KATNAL1: variants seen among roughly 807,000 people sequenced by gnomAD.
KATNAL1 encodes katanin catalytic subunit A1 like 1.
A neutral mutation model predicts 55.2 loss-of-function variants in KATNAL1; 32 were observed. The observed-to-expected ratio is 0.58, with a 90% CI of 0.44 to 0.78. The LOEUF is 0.78. Among genes scored for constraint, KATNAL1 ranks in the 30% least tolerant of loss-of-function variants. The pLI, the probability that KATNAL1 is intolerant of heterozygous loss-of-function variation, is 0.00. For synonymous variants in KATNAL1, 193 were observed against 193.6 expected (o/e 1.00, Z 0.02); for missense variants, 466 against 600.9 (o/e 0.78, Z 2.35).
At chr13:30,306,564 C>A (rs1289400925) in intron 1 of KATNAL1, 1 of 152,136 alleles carries the variant, frequency 6.6e-6, no homozygotes, top group African/African-American at 2.4e-5. Context: ...GCAATGACAT[C>A]TTTTTATCTA....
intron 3 of KATNAL1, among the ~76,000 whole-genome samples, chr13:30,274,907 G>GCGCGCACGCACA (rs869107567): frequency 7.6e-5 from 8 of 105,390 alleles, no homozygotes; most frequent in African/African-American, 3.2e-4. Flanking sequence ...GCGCGCGCGC[G>GCGCGCACGCACA]CACACACACA....
intron 1 of KATNAL1, among the ~76,000 whole-genome samples, chr13:30,288,338 G>A (rs973190667): frequency 6.6e-6 from 1 of 152,104 alleles, no homozygotes; most frequent in African/African-American, 2.4e-5. Context: ...TAAATAAGAA[G>A]TGCCTCAACT....
At chr13:30,247,120 G>A (rs1050045132) in intron 4 of KATNAL1, among the ~76,000 whole-genome samples, 3 of 152,172 alleles carry the variant, frequency 2.0e-5, no homozygotes, top group South Asian at 2.1e-4. Flanking sequence ...CCAAGGACAC[G>A]CAGCTAGATC....
At position 30,205,011 on chromosome 13, in the gene KATNAL1, G is replaced by C. The variant is rs1399203987; in HGVS notation, c.*3529C>G. The C allele has an allele frequency of 6.6e-6, 1 of 152,010 alleles. No individual in the cohort carries two copies. The highest frequency in any genetic ancestry group is 1.9e-4 in the East Asian group (1 of 5,186). 9.4% of individuals were successfully genotyped at this position (152,010 alleles called of 1,614,324 possible). A position where few individuals can be genotyped will look rare whatever the true frequency, so the allele number is the denominator to read the frequency against. On this transcript the variant is annotated 3_prime_UTR_variant, in exon 11 of 11. Transcript: ENST00000380615. The stretch of plus-strand genomic sequence containing the variant: ...AAAAAAAGAAATTATGGGGGCAAAA[G>C]GTTTATAGTAAACATGTCATGCTTA...
At chr13:30,294,852 G>T (rs1882376416) in intron 1 of KATNAL1, among the ~76,000 whole-genome samples, 1 of 152,162 alleles carries the variant, frequency 6.6e-6, no homozygotes, top group East Asian at 1.9e-4. Flanking sequence ...GAAGATCCTA[G>T]GGCCCTTAAG....
intron 3 of KATNAL1, among the ~76,000 whole-genome samples, chr13:30,274,907 G>A (rs12867078): frequency 0.1 from 10,486 of 105,212 alleles, 506 homozygotes; most frequent in African/African-American, 0.12. Flanking sequence ...GCGCGCGCGC[G>A]CACACACACA....
At chr13:30,244,116 T>C (rs1877550084) in intron 4 of KATNAL1, among the ~76,000 whole-genome samples, 1 of 151,528 alleles carries the variant, frequency 6.6e-6, no homozygotes, top group Non-Finnish European at 1.5e-5. Context: ...GTGTGTGATG[T>C]TCCCCTCCCT....
At chr13:30,286,952 C>T (rs970187065) in intron 1 of KATNAL1, among the ~76,000 whole-genome samples, 1 of 152,182 alleles carries the variant, frequency 6.6e-6, no homozygotes, top group East Asian at 1.9e-4. Context: ...ACTGCATGGC[C>T]TATATCCCTT....
chr13:30,271,445 A>G (rs1454252121), intron 3 of KATNAL1, among the ~76,000 whole-genome samples: 1 of 152,178 alleles, frequency 6.6e-6, no homozygotes, highest in Admixed American at 6.5e-5. Context: ...GAAACTTACA[A>G]TCATGGCAGA....
chr13:30,255,301 A>G, intron 4 of KATNAL1, 146 bp downstream of exon 4: 1 of 566,636 alleles, frequency 1.8e-6, no homozygotes, highest in South Asian at 4.7e-5. Context: ...CCTTCAAAAT[A>G]CAAAGACTAC....
intron 3 of KATNAL1, among the ~76,000 whole-genome samples, chr13:30,277,859 T>C (rs1880962585): frequency 6.6e-6 from 1 of 150,390 alleles, no homozygotes; most frequent in East Asian, 1.9e-4. Context: ...GGCGGGCGCC[T>C]GTAGTCCCAG....
At chr13:30,228,719 T>C (rs1482497231) in intron 8 of KATNAL1, among the ~76,000 whole-genome samples, 2 of 152,106 alleles carry the variant, frequency 1.3e-5, no homozygotes, top group Non-Finnish European at 2.9e-5. Flanking sequence ...CGTGACTGTT[T>C]TGAAACAACA....
At chr13:30,236,266 T>A (rs1230671983) in intron 6 of KATNAL1, among the ~76,000 whole-genome samples, 1 of 152,136 alleles carries the variant, frequency 6.6e-6, no homozygotes, top group African/African-American at 2.4e-5. Context: ...AGCCAGCTGG[T>A]CATAAGAGTG....
rs549775989 is a variant in KATNAL1, at chr13:30,249,219, C to T, written c.492+6228G>A. Among the ~76,000 whole-genome samples, 15 of 150,690 alleles carry T rather than the reference C, an allele frequency of 1.0e-4. No homozygotes were observed. The East Asian group carries it at 1.6e-3, about 16-fold the overall frequency. On this transcript the variant is annotated intron_variant, in intron 4 of 10. Coordinates refer to ENST00000380615, the MANE Select transcript of KATNAL1 (RefSeq NM_032116.5). ...TGAACTCCAACCTAGGCGACAAGAGCGAAATTCTGTCTCAAAAAAAAAAAA... is the reference window on the plus strand; with the variant it reads ...TGAACTCCAACCTAGGCGACAAGAGTGAAATTCTGTCTCAAAAAAAAAAAA...
chr13:30,229,000 A>G (rs1401789772), intron 8 of KATNAL1, among the ~76,000 whole-genome samples: 1 of 152,012 alleles, frequency 6.6e-6, no homozygotes, highest in African/African-American at 2.4e-5. Flanking sequence ...TGATCCTCCT[A>G]CCTCAGCCTC....
intron 9 of KATNAL1, among the ~76,000 whole-genome samples, chr13:30,218,254 A>C (rs1162391193): frequency 1.3e-5 from 2 of 150,542 alleles, no homozygotes; most frequent in Non-Finnish European, 3.0e-5. Flanking sequence ...ATGTAATAGG[A>C]AGTCAGAGTC....
At chr13:30,261,177 T>C (rs1879256132) in intron 3 of KATNAL1, among the ~76,000 whole-genome samples, 1 of 152,016 alleles carries the variant, frequency 6.6e-6, no homozygotes, top group Non-Finnish European at 1.5e-5. Flanking sequence ...CTGAGAGATT[T>C]TGTCACCACC....
chr13:30,291,449 T>C (rs561159844), intron 1 of KATNAL1, among the ~76,000 whole-genome samples: 23 of 152,362 alleles, frequency 1.5e-4, no homozygotes, highest in Admixed American at 1.4e-3. Context: ...TGTATGTGTT[T>C]ATGAATAAAA....
chr13:30,264,105 C>G (rs373125171), intron 3 of KATNAL1, among the ~76,000 whole-genome samples: 15 of 151,294 alleles, frequency 9.9e-5, no homozygotes, highest in East Asian at 3.9e-4. Context: ...TGACAAACCT[C>G]AGAAAAACAA....
Sources: allele counts gnomAD v4.1 joint callset (sites outside exome capture counted in the v4.1 genomes callset), GRCh38; gene constraint gnomAD v4.1.1; transcripts MANE v1.5; gene names NCBI Gene and HGNC (gene_info 2026-07-23, HGNC 2026-07-21).